RAB3C: variants seen among roughly 807,000 people sequenced by gnomAD.
RAB3C encodes the protein RAB3C, member RAS oncogene family, also known as ras-related protein Rab-3C.
A neutral mutation model predicts 26.4 loss-of-function variants in RAB3C; 17 were observed. The ratio of observed to expected loss-of-function variants is 0.64; its 90% CI spans 0.44 to 0.97. RAB3C has a LOEUF of 0.97. RAB3C is among the 50% of genes least tolerant of loss of function. The pLI, the probability that RAB3C is intolerant of heterozygous loss-of-function variation, is 0.00. For missense variants in RAB3C, 242 were observed against 281.9 expected (o/e 0.86, Z 1.01); for synonymous variants, 91 against 95.9 (o/e 0.95, Z 0.30).
intron 2 of RAB3C, among the ~76,000 whole-genome samples, chr5:58,651,202 T>C (rs963198866): frequency 1.3e-5 from 2 of 152,226 alleles, no homozygotes; most frequent in African/African-American, 4.8e-5. Flanking sequence ...CACAGAGTTG[T>C]GAGGTAGAAA....
At chr5:58,733,878 C>T (rs959999539) in intron 3 of RAB3C, among the ~76,000 whole-genome samples, 11 of 152,194 alleles carry the variant, frequency 7.2e-5, no homozygotes, top group African/African-American at 2.4e-4. Context: ...TCTCCATCCC[C>T]GATTTTAACA....
intron 2 of RAB3C, among the ~76,000 whole-genome samples, chr5:58,693,353 T>TATATATATATATAC (rs911414778): frequency 3.5e-5 from 5 of 142,266 alleles, no homozygotes; most frequent in African/African-American, 1.4e-4. Context: ...TATATATATA[T>TATATATATATATAC]ATATATATAA....
chr5:58,718,325 C>T lies in RAB3C; in HGVS notation c.253-7677C>T, dbSNP rs1030419002. Among the ~76,000 whole-genome samples the T allele has an allele frequency of 3.9e-5, 6 of 152,026 alleles. No individual in the cohort carries two copies. The South Asian group carries it at 8.3e-4, about 21-fold the overall frequency. ...TTTATTAAGGTCTTGAAGAGAGTTC[C>T]TCTGAGTGTTTAAATAGCATTTACT... is the stretch of plus-strand genomic sequence containing the variant. On this transcript the variant is annotated intron_variant, in intron 2 of 4. Coordinates refer to ENST00000282878, the MANE Select transcript of RAB3C (RefSeq NM_138453.4).
intron 3 of RAB3C, among the ~76,000 whole-genome samples, chr5:58,771,989 T>C (rs1307539860): frequency 6.6e-6 from 1 of 151,726 alleles, no homozygotes; most frequent in Admixed American, 6.6e-5. Flanking sequence ...AAAATGGAAA[T>C]AGAAAAGAGC....
intron 2 of RAB3C, among the ~76,000 whole-genome samples, chr5:58,677,274 G>T (rs1043966785): frequency 2.0e-5 from 3 of 152,038 alleles, no homozygotes; most frequent in African/African-American, 4.8e-5. Context: ...TTCAAAATAG[G>T]GTTATATTCT....
At chr5:58,812,181 G>A (rs956445604) in intron 3 of RAB3C, among the ~76,000 whole-genome samples, 1 of 152,100 alleles carries the variant, frequency 6.6e-6, no homozygotes, top group African/African-American at 2.4e-5. Context: ...CAGGAAAAAA[G>A]AAAGAGATGG....
At chr5:58,721,056 CAG>C (rs1424355545) in intron 2 of RAB3C, among the ~76,000 whole-genome samples, 1 of 151,662 alleles carries the variant, frequency 6.6e-6, no homozygotes, top group Non-Finnish European at 1.5e-5. Flanking sequence ...AAGGCAGAAA[CAG>C]AGTGCCAAAA....
At chr5:58,668,287 G>A (rs1253270962) in intron 2 of RAB3C, among the ~76,000 whole-genome samples, 1 of 152,072 alleles carries the variant, frequency 6.6e-6, no homozygotes, top group Non-Finnish European at 1.5e-5. Flanking sequence ...GATAAATAAA[G>A]GAATAAATTA....
chr5:58,627,883 C>A (rs1410559478), intron 2 of RAB3C, among the ~76,000 whole-genome samples: 1 of 152,062 alleles, frequency 6.6e-6, no homozygotes, highest in African/African-American at 2.4e-5. Context: ...CGGGGCCAGG[C>A]GCAAAGGCTC....
At chr5:58,742,663 A>C (rs1741301725) in intron 3 of RAB3C, among the ~76,000 whole-genome samples, 1 of 152,174 alleles carries the variant, frequency 6.6e-6, no homozygotes, top group Non-Finnish European at 1.5e-5. Flanking sequence ...ATAAACTGTG[A>C]ATTTTAAATA....
At chr5:58,833,323 A>T (rs1035751176) in intron 4 of RAB3C, among the ~76,000 whole-genome samples, 6 of 95,978 alleles carry the variant, frequency 6.3e-5, no homozygotes, top group African/African-American at 2.4e-4. Context: ...CACGGACCCC[A>T]TCACACACAC....
intron 2 of RAB3C, among the ~76,000 whole-genome samples, chr5:58,724,391 A>C (rs990736896): frequency 1.3e-5 from 2 of 151,746 alleles, no homozygotes; most frequent in African/African-American, 4.8e-5. Context: ...CATACATACA[A>C]AGCAGGTTTT....
intron 2 of RAB3C, among the ~76,000 whole-genome samples, chr5:58,689,493 T>G (rs1301083392): frequency 6.6e-6 from 1 of 152,124 alleles, no homozygotes; most frequent in Non-Finnish European, 1.5e-5. Flanking sequence ...TATTTTTATT[T>G]TATTTACTGT....
chr5:58,598,411 A>T (rs1315160365), intron 1 of RAB3C, among the ~76,000 whole-genome samples: 1 of 152,044 alleles, frequency 6.6e-6, no homozygotes, highest in African/African-American at 2.4e-5. Flanking sequence ...GTTTTCCTAC[A>T]GTGCTTTGAG....
intron 2 of RAB3C, among the ~76,000 whole-genome samples, chr5:58,692,319 A>G (rs1439531841): frequency 6.6e-6 from 1 of 150,658 alleles, no homozygotes; most frequent in Non-Finnish European, 1.5e-5. Flanking sequence ...ATTAGTCAGA[A>G]ATGCAAATAC....
intron 2 of RAB3C, among the ~76,000 whole-genome samples, chr5:58,712,461 G>A (rs1274263355): frequency 6.6e-6 from 1 of 152,046 alleles, no homozygotes; most frequent in Non-Finnish European, 1.5e-5. Context: ...AATTGTTTGG[G>A]ATAAGTTAAT....
chr5:58,728,390 C>T (rs562628919), intron 3 of RAB3C, among the ~76,000 whole-genome samples: 117 of 152,014 alleles, frequency 7.7e-4, no homozygotes, highest in Non-Finnish European at 1.4e-3. Flanking sequence ...TTTTGACTTT[C>T]TAAATGCCTC....
chr5:58,684,149 A>G (rs1748399367), intron 2 of RAB3C, among the ~76,000 whole-genome samples: 1 of 152,192 alleles, frequency 6.6e-6, no homozygotes. Flanking sequence ...TTCTCTAAAC[A>G]ATACCGTATA....
intron 2 of RAB3C, among the ~76,000 whole-genome samples, chr5:58,690,177 G>A (rs939057507): frequency 2.6e-5 from 4 of 152,034 alleles, no homozygotes; most frequent in African/African-American, 9.7e-5. Context: ...TTAGAAATAG[G>A]TACTTCTAGT....
Sources: gnomAD v4.1 joint callset for allele counts (sites outside exome capture counted in the v4.1 genomes callset) on GRCh38, gnomAD v4.1.1 for gene constraint, MANE v1.5 for transcripts, NCBI Gene and HGNC (gene_info 2026-07-23, HGNC 2026-07-21) for gene names.